The following FSIP1 variants were observed in gnomAD, a reference collection of about 807,000 sequenced individuals.
FSIP1 encodes the protein fibrous sheath-interacting protein 1.
A neutral mutation model predicts 60.9 loss-of-function variants in FSIP1; 65 were observed. That is an observed-to-expected ratio of 1.07 (90% confidence interval 0.87 to 1.31). The LOEUF is 1.31. Ranked by LOEUF, FSIP1 falls within the 40% of genes most tolerant of loss-of-function variation. The pLI, the probability that FSIP1 is intolerant of heterozygous loss-of-function variation, is 0.00. For missense variants in FSIP1, 675 were observed against 665.5 expected, an observed-to-expected ratio of 1.01 and a Z score of -0.16; for synonymous variants, 209 against 221.2, an observed-to-expected ratio of 0.94 and a Z score of 0.49.
chr15:39,727,139 A>C (rs1173798307), intron 8 of FSIP1, among the ~76,000 whole-genome samples: 1 of 152,248 alleles, frequency 6.6e-6, no homozygotes, highest in Non-Finnish European at 1.5e-5. Flanking sequence ...GTCCCTTAAA[A>C]GTAACATAGC....
In FSIP1 at chr15:39,721,669, T is replaced by G. The variant is rs568707677; in HGVS notation, c.1050+4920A>C. Among the ~76,000 whole-genome samples, 7 of 152,324 alleles carry G rather than the reference T, an allele frequency of 4.6e-5. No individual in the cohort carries two copies. In the East Asian group the frequency reaches 1.4e-3, roughly 29 times the overall value. ...AGGCTGAACAAGTAACATAAATGCATGAAGTGGGCCTTAGGGCCTGCCATA... is the reference window on the plus strand; with the variant it reads ...AGGCTGAACAAGTAACATAAATGCAGGAAGTGGGCCTTAGGGCCTGCCATA... On this transcript the variant is annotated intron_variant, in intron 9 of 11. Coordinates refer to ENST00000350221, the MANE Select transcript of FSIP1 (RefSeq NM_152597.5).
At chr15:39,722,633 C>CTG (rs140350592) in intron 9 of FSIP1, among the ~76,000 whole-genome samples, 18,028 of 152,106 alleles carry the variant, frequency 0.12, 1,288 homozygotes, top group African/African-American at 0.2. Flanking sequence ...CTCTCTCTCT[C>CTG]TGCTCTAAAC....
chr15:39,741,855 G>C lies in FSIP1; in HGVS notation c.605C>G (p.Thr202Ser). The C allele has an allele frequency of 1.9e-6, 3 of 1,607,014 alleles. No homozygotes were observed. In the South Asian group the frequency reaches 3.3e-5, roughly 18 times the overall value. Residue 202 changes from threonine (T) to serine (S), a missense_variant, in exon 6 of 12, where the codon ACT becomes AGT. Thr to Ser is a moderately conservative substitution (Grantham distance 58). Coordinates refer to ENST00000350221, the MANE Select transcript of FSIP1 (RefSeq NM_152597.5). ...EEDTFSSVFH[T>S]QIPPEEYEMQ... ...TTCATATTCTTCTGGAGGGATTTGA[G>C]TATGAAACACTGAGGAAAAGGTGTC...
chr15:39,679,300 A>G (rs1404583999), intron 10 of FSIP1, among the ~76,000 whole-genome samples: 1 of 152,214 alleles, frequency 6.6e-6, no homozygotes, highest in Non-Finnish European at 1.5e-5. Flanking sequence ...TACAAGCCAA[A>G]GACATCAAGA....
chr15:39,691,592 A>G (rs1447754084), intron 10 of FSIP1, among the ~76,000 whole-genome samples: 1 of 152,226 alleles, frequency 6.6e-6, no homozygotes, highest in Non-Finnish European at 1.5e-5. Context: ...TCAGCCAATT[A>G]AAGTCCTTTC....
intron 11 of FSIP1, among the ~76,000 whole-genome samples, chr15:39,612,300 C>A (rs1170688761): frequency 6.6e-6 from 1 of 152,114 alleles, no homozygotes; most frequent in East Asian, 1.9e-4. Context: ...TATCAAGTAT[C>A]TTTTCTGATC....
intron 8 of FSIP1, among the ~76,000 whole-genome samples, chr15:39,734,782 G>T (rs1347048993): frequency 1.3e-5 from 2 of 152,034 alleles, no homozygotes; most frequent in African/African-American, 2.4e-5. Flanking sequence ...TAATGAATAT[G>T]AGCAAATTAA....
At chr15:39,636,365 G>A (rs1180753368) in intron 10 of FSIP1, among the ~76,000 whole-genome samples, 2 of 152,148 alleles carry the variant, frequency 1.3e-5, no homozygotes, top group African/African-American at 2.4e-5. Flanking sequence ...GGAAAGTCTT[G>A]CAACTTTTTA....
chr15:39,669,777 T>C (rs1037071490), intron 10 of FSIP1, among the ~76,000 whole-genome samples: 3 of 152,228 alleles, frequency 2.0e-5, no homozygotes, highest in Non-Finnish European at 4.4e-5. Flanking sequence ...TAGTTTTTAA[T>C]GTGTTACACA....
downstream of FSIP1, chr15:39,598,150 T>A (rs189515859): frequency 6.6e-6 from 1 of 152,360 alleles, no homozygotes; most frequent in Admixed American, 6.5e-5. Flanking sequence ...GAATGTGGAA[T>A]ACTGACCAGT....
At chr15:39,618,715 T>C (rs548465889) in intron 10 of FSIP1, among the ~76,000 whole-genome samples, 1 of 152,370 alleles carries the variant, frequency 6.6e-6, no homozygotes, top group African/African-American at 2.4e-5. Context: ...GATTTGATCA[T>C]GCATACTTAA....
chr15:39,643,277 G>T (rs1892454059), intron 10 of FSIP1, among the ~76,000 whole-genome samples: 1 of 152,240 alleles, frequency 6.6e-6, no homozygotes, highest in African/African-American at 2.4e-5. Context: ...GAGTAGACAA[G>T]AATGAAATGA....
intron 10 of FSIP1, among the ~76,000 whole-genome samples, chr15:39,648,043 A>G (rs962022587): frequency 1.3e-5 from 2 of 152,022 alleles, no homozygotes; most frequent in Non-Finnish European, 2.9e-5. Context: ...GGGGAGGGAT[A>G]GCATTGGGAG....
intron 6 of FSIP1, 141 bp from the exon 7 acceptor site, chr15:39,739,930 T>C: frequency 1.9e-6 from 1 of 519,320 alleles, no homozygotes; most frequent in Non-Finnish European, 3.3e-6. Flanking sequence ...TCCAGAAACC[T>C]AATATATAAT....
At chr15:39,647,183 T>C (rs1239777927) in intron 10 of FSIP1, among the ~76,000 whole-genome samples, 5 of 152,184 alleles carry the variant, frequency 3.3e-5, no homozygotes, top group Admixed American at 1.3e-4. Flanking sequence ...AGGTCTAACA[T>C]ACAACATGAG....
chr15:39,723,278 G>A (rs1263833535), intron 9 of FSIP1, among the ~76,000 whole-genome samples: 1 of 152,206 alleles, frequency 6.6e-6, no homozygotes, highest in African/African-American at 2.4e-5. Context: ...CTCCAGGCTG[G>A]AGTACAGTGG....
intron 11 of FSIP1, among the ~76,000 whole-genome samples, chr15:39,601,311 GA>G (rs1161986019): frequency 1.3e-5 from 2 of 151,856 alleles, no homozygotes; most frequent in Non-Finnish European, 2.9e-5. Context: ...CTTGAAGTGA[GA>G]AAAAAAATTG....
chr15:39,776,647 GA>G, intron 1 of FSIP1, 116 bp from the exon 2 acceptor site: 2 of 923,266 alleles, frequency 2.2e-6, no homozygotes, highest in South Asian at 3.5e-5. Context: ...TGTTGCTACT[GA>G]AGTCACACTT....
chr15:39,698,015 A>T (rs906119391), intron 10 of FSIP1, among the ~76,000 whole-genome samples: 1 of 151,886 alleles, frequency 6.6e-6, no homozygotes, highest in African/African-American at 2.4e-5. Flanking sequence ...AAAATAAACC[A>T]ATGTATCTGA....
Sources: allele counts gnomAD v4.1 joint callset (sites outside exome capture counted in the v4.1 genomes callset), GRCh38; gene constraint gnomAD v4.1.1; transcripts MANE v1.5; gene names NCBI Gene and HGNC (gene_info 2026-07-23, HGNC 2026-07-21).